NKAIN3: variants seen among roughly 807,000 people sequenced by gnomAD.
NKAIN3 encodes the protein sodium/potassium-transporting ATPase subunit beta-1-interacting protein 3.
In NKAIN3, 25 loss-of-function variants were observed where a neutral mutation model predicts 30.2. That is an observed-to-expected ratio of 0.83 (90% CI 0.60 to 1.16). NKAIN3 has a LOEUF of 1.16. Ranked by LOEUF, NKAIN3 falls within the 50% of genes most tolerant of loss-of-function variation. The pLI is 0.00. For missense variants in NKAIN3, 225 were observed against 254.1 expected (o/e 0.89, Z 0.78); for synonymous variants, 91 against 89.6 (o/e 1.02, Z -0.09).
At chr8:62,964,374 G>A (rs895282716) in intron 6 of NKAIN3, among the ~76,000 whole-genome samples, 3 of 152,164 alleles carry the variant, frequency 2.0e-5, no homozygotes, top group Non-Finnish European at 4.4e-5. Context: ...ATTGTGCAAA[G>A]ATGCAGAAAC....
chr8:62,628,840 G>A (rs564772761), intron 3 of NKAIN3, among the ~76,000 whole-genome samples: 1 of 152,128 alleles, frequency 6.6e-6, no homozygotes, highest in African/African-American at 2.4e-5. Context: ...TCTCTCCCAG[G>A]ATAGCAACCT....
At chr8:62,362,942 G>T (rs866543688) in intron 1 of NKAIN3, among the ~76,000 whole-genome samples, 1 of 152,102 alleles carries the variant, frequency 6.6e-6, no homozygotes, top group Admixed American at 6.6e-5. Context: ...ATGGCTGCTG[G>T]GATTGGCCAA....
chr8:62,589,875 TTGTGTG>T (rs35791396), intron 3 of NKAIN3, 81 bp downstream of exon 3: 277 of 430,036 alleles, frequency 6.4e-4, no homozygotes, highest in East Asian at 6.2e-3. Flanking sequence ...TATAGGTATA[TTGTGTG>T]TGTGTGTGTG....
At position 62,307,267 on chromosome 8, in the gene NKAIN3, CAAAA is replaced by C. The variant is rs10598782; in HGVS notation, c.54+58155_54+58158del. Among the ~76,000 whole-genome samples the C allele has an allele frequency of 5.6e-3, 607 of 107,946 alleles. 34 individuals carry two copies. Among genetic ancestry groups the C allele is most frequent in the African/African-American group, 0.019 (557 of 29,008 alleles). 70.8% of individuals were successfully genotyped at this position (107,946 alleles called of 152,430 possible). A position where few individuals can be genotyped will look rare whatever the true frequency, so the allele number is the denominator to read the frequency against. On this transcript the variant is annotated intron_variant, in intron 1 of 6. Coordinates refer to ENST00000623646, the MANE Select transcript of NKAIN3 (RefSeq NM_001304533.3). ...TATAGTTTAATTCATTCTCTTCTAG[CAAAA>C]AAAAAAAAAAAAAATTCTGAAAGTC...
At chr8:62,780,312 A>G (rs1817317241) in intron 4 of NKAIN3, among the ~76,000 whole-genome samples, 1 of 152,152 alleles carries the variant, frequency 6.6e-6, no homozygotes, top group African/African-American at 2.4e-5. Context: ...GTCTCCCAAC[A>G]AAGAAAAGTC....
At chr8:62,458,494 A>G (rs1290858631) in intron 1 of NKAIN3, among the ~76,000 whole-genome samples, 1 of 152,218 alleles carries the variant, frequency 6.6e-6, no homozygotes, top group East Asian at 1.9e-4. Context: ...GGTTGTTGGT[A>G]ATTTAGTACC....
At position 62,965,436 on chromosome 8, in the gene NKAIN3, C is replaced by T. The variant is rs1823683672; in HGVS notation, c.*29C>T. The stretch of plus-strand genomic sequence containing the variant: ...GCAAAGGACCATTGACTGCGCGCCT[C>T]GGTGGATCCGACCCGCCTGACATTC... On this transcript the variant is annotated 3_prime_UTR_variant, in exon 7 of 7. Transcript: ENST00000623646. The T allele has an allele frequency of 3.0e-6, 3 of 985,694 alleles. No homozygotes were observed. The highest frequency in any genetic ancestry group is 3.6e-6 in the Non-Finnish European group (3 of 829,906). The allele number at this position is 985,694 out of a possible 1,614,324, so 61.1% of individuals were successfully genotyped here. A position where few individuals can be genotyped will look rare whatever the true frequency, so the allele number is the denominator to read the frequency against.
At chr8:62,471,316 A>AG (rs552216812) in intron 1 of NKAIN3, among the ~76,000 whole-genome samples, 186 of 152,248 alleles carry the variant, frequency 1.2e-3, no homozygotes, top group Non-Finnish European at 2.2e-3. Context: ...AAAAAAAAAA[A>AG]TGATCTGGAG....
intron 1 of NKAIN3, chr8:62,483,574 G>A (rs16929012): frequency 0.047 from 8,110 of 171,702 alleles, 383 homozygotes; most frequent in African/African-American, 0.12. Context: ...ACTTCTAGTC[G>A]ATGTTCGGGT....
At chr8:62,765,568 G>A (rs1365601625) in intron 4 of NKAIN3, among the ~76,000 whole-genome samples, 2 of 152,054 alleles carry the variant, frequency 1.3e-5, no homozygotes, top group East Asian at 3.9e-4. Context: ...ATTTGTATAG[G>A]AGCTAGGGTA....
chr8:62,549,085 G>A (rs1366639904), intron 1 of NKAIN3, among the ~76,000 whole-genome samples: 1 of 152,154 alleles, frequency 6.6e-6, no homozygotes, highest in Non-Finnish European at 1.5e-5. Flanking sequence ...AACTTTAAGA[G>A]TGAATAAATT....
intron 1 of NKAIN3, among the ~76,000 whole-genome samples, chr8:62,306,542 G>A (rs1247795654): frequency 7.7e-6 from 1 of 129,746 alleles, no homozygotes; most frequent in Non-Finnish European, 1.6e-5. Context: ...GGCTTTGTGT[G>A]TGTGTGTGTG....
downstream of NKAIN3, among the ~76,000 whole-genome samples, chr8:62,989,021 G>A (rs978367946): frequency 1.3e-5 from 2 of 152,194 alleles, no homozygotes; most frequent in Non-Finnish European, 2.9e-5. Flanking sequence ...CTGGAGTAAA[G>A]AACAACCTTT....
At chr8:62,410,630 A>T (rs982571726) in intron 1 of NKAIN3, among the ~76,000 whole-genome samples, 7 of 152,014 alleles carry the variant, frequency 4.6e-5, no homozygotes, top group South Asian at 2.1e-4. Context: ...ATTAACAAAT[A>T]AAAAAAAGAT....
chr8:62,774,148 T>C (rs1817107265), intron 4 of NKAIN3, among the ~76,000 whole-genome samples: 1 of 152,204 alleles, frequency 6.6e-6, no homozygotes, highest in Non-Finnish European at 1.5e-5. Flanking sequence ...TTTCTGCATA[T>C]TTTGCTTTAT....
At position 62,945,389 on chromosome 8, in the gene NKAIN3, G is replaced by A. The variant is rs144934517; in HGVS notation, c.533-8513G>A. On this transcript the variant is annotated intron_variant, in intron 5 of 6. Coordinates refer to ENST00000623646, the MANE Select transcript of NKAIN3 (RefSeq NM_001304533.3). ...TTGTTTTGGAAGCAAAAGATTGAAA[G>A]CCAGCTACCTTTTTATTAGTAGCTA... 7.5e-4 allele frequency among the ~76,000 whole-genome samples: 114 copies of A among 152,246 alleles called. No individual in the cohort carries two copies. The Middle Eastern group carries it at 0.014, about 18-fold the overall frequency.
Position 62,314,438 on chromosome 8 carries a change from G to A in NKAIN3, c.54+65311G>A, listed in dbSNP as rs145782419. On this transcript the variant is annotated intron_variant, in intron 1 of 6. Coordinates refer to ENST00000623646, the MANE Select transcript of NKAIN3 (RefSeq NM_001304533.3). ...GTTAAAAGTCCTCCTTCTTGTTATG[G>A]TAATAGTCTGAGGTTTGCGATGAAA... 6.6e-3 allele frequency among the ~76,000 whole-genome samples: 1,012 copies of A among 152,232 alleles called. 10 individuals are homozygous for A. The highest frequency in any genetic ancestry group is 0.023 in the African/African-American group (957 of 41,550).
chr8:62,793,319 C>T (rs982528354), intron 4 of NKAIN3, among the ~76,000 whole-genome samples: 2 of 152,074 alleles, frequency 1.3e-5, no homozygotes, highest in South Asian at 2.1e-4. Flanking sequence ...TTTCTTTCTC[C>T]GTCAATTGAC....
chr8:62,402,690 C>T (rs1803919720), intron 1 of NKAIN3, among the ~76,000 whole-genome samples: 1 of 152,218 alleles, frequency 6.6e-6, no homozygotes, highest in Admixed American at 6.5e-5. Context: ...GAGGCTTCCT[C>T]AGCCCTGCAG....
Sources: allele counts gnomAD v4.1 joint callset (sites outside exome capture counted in the v4.1 genomes callset), GRCh38; gene constraint gnomAD v4.1.1; transcripts MANE v1.5; gene names NCBI Gene and HGNC (gene_info 2026-07-23, HGNC 2026-07-21).